POFUT3: variants seen among roughly 807,000 people sequenced by gnomAD.
The protein encoded by POFUT3 is GDP-fucose protein O-fucosyltransferase 3.
chr8:33,395,809 GC>G, the POFUT3 span, among the ~76,000 whole-genome samples: 1 of 152,054 alleles, frequency 6.6e-6, no homozygotes, highest in Non-Finnish European at 1.5e-5. Context: ...TCCTGCTGGC[GC>G]CCAAAAGCAC....
chr8:33,466,020 T>C, the POFUT3 span, among the ~76,000 whole-genome samples: 1 of 152,186 alleles, frequency 6.6e-6, no homozygotes, highest in Non-Finnish European at 1.5e-5. Flanking sequence ...TTATGAACTA[T>C]GACAGAAGAA....
chr8:33,441,209 T>A, the POFUT3 span, among the ~76,000 whole-genome samples: 2 of 151,062 alleles, frequency 1.3e-5, no homozygotes, highest in Non-Finnish European at 2.9e-5. Flanking sequence ...TGCACGCCTG[T>A]AATCTCAGCT....
the POFUT3 span, among the ~76,000 whole-genome samples, chr8:33,418,290 A>G: frequency 3.9e-5 from 6 of 152,178 alleles, 1 homozygote; most frequent in South Asian, 1.2e-3. Context: ...CTTTCACCCA[A>G]CTGGAGGACA....
chr8:33,394,191 A>G, the POFUT3 span: 1 of 229,908 alleles, frequency 4.3e-6, no homozygotes, highest in South Asian at 5.1e-5. Context: ...TCTCAAAAAA[A>G]TATAAATAAA....
the POFUT3 span, among the ~76,000 whole-genome samples, chr8:33,325,912 C>T: frequency 6.6e-6 from 1 of 152,150 alleles, no homozygotes; most frequent in Non-Finnish European, 1.5e-5. Flanking sequence ...TATCTGTACA[C>T]ACCCCGCGCC....
chr8:33,462,903 C>T, the POFUT3 span, among the ~76,000 whole-genome samples: 11 of 150,848 alleles, frequency 7.3e-5, no homozygotes, highest in African/African-American at 2.7e-4. Flanking sequence ...TGCACTCTAG[C>T]GTAGGCAACA....
the POFUT3 span, among the ~76,000 whole-genome samples, chr8:33,354,339 T>A: frequency 6.6e-6 from 1 of 152,080 alleles, no homozygotes; most frequent in Non-Finnish European, 1.5e-5. Context: ...GTGGTGTAAT[T>A]CCCTGTAAGT....
the POFUT3 span, among the ~76,000 whole-genome samples, chr8:33,311,400 G>A: frequency 6.6e-6 from 1 of 152,270 alleles, no homozygotes; most frequent in Admixed American, 6.5e-5. Flanking sequence ...AAGAATAAAT[G>A]AAGCACATTG....
chr8:33,324,097 C>A, the POFUT3 span, among the ~76,000 whole-genome samples: 1 of 152,128 alleles, frequency 6.6e-6, no homozygotes. Flanking sequence ...TCCATAGACT[C>A]CCCAGAGGTT....
chr8:33,309,518 A>C, the POFUT3 span, among the ~76,000 whole-genome samples: 1 of 151,722 alleles, frequency 6.6e-6, no homozygotes, highest in South Asian at 2.1e-4. Flanking sequence ...GGATTTAAGA[A>C]CCCTGAACTC....
the POFUT3 span, among the ~76,000 whole-genome samples, chr8:33,407,215 C>T: frequency 4.6e-5 from 7 of 152,174 alleles, no homozygotes; most frequent in Admixed American, 1.3e-4. Context: ...AACAGAAGAA[C>T]GTGTTCTGCT....
chr8:33,410,797 T>C, the POFUT3 span, among the ~76,000 whole-genome samples: 2 of 152,266 alleles, frequency 1.3e-5, no homozygotes, highest in Non-Finnish European at 2.9e-5. Context: ...TGAAGTCAAG[T>C]GCAGAGCTGA....
chr8:33,447,171 G>A, the POFUT3 span, among the ~76,000 whole-genome samples: 488 of 152,240 alleles, frequency 3.2e-3, no homozygotes, highest in African/African-American at 0.011. Flanking sequence ...ATTCCAGGCC[G>A]GGCGCGGTGG....
chr8:33,442,976 G>A, the POFUT3 span, among the ~76,000 whole-genome samples: 1 of 152,062 alleles, frequency 6.6e-6, no homozygotes, highest in Non-Finnish European at 1.5e-5. Context: ...AGCCAGGTGT[G>A]GTGGTGTGTG....
chr8:33,447,608 CTTAAAGTCT>C, the POFUT3 span, among the ~76,000 whole-genome samples: 1 of 152,154 alleles, frequency 6.6e-6, no homozygotes, highest in South Asian at 2.1e-4. Context: ...TATTTCACTG[CTTAAAGTCT>C]TTAACTAGTA....
At chr8:33,313,424 C>G in the POFUT3 span, among the ~76,000 whole-genome samples, 1 of 152,158 alleles carries the variant, frequency 6.6e-6, no homozygotes, top group South Asian at 2.1e-4. Flanking sequence ...GATCCTAACC[C>G]TTCCACAATC....
At chr8:33,420,853 A>G in the POFUT3 span, among the ~76,000 whole-genome samples, 4 of 152,028 alleles carry the variant, frequency 2.6e-5, no homozygotes, top group African/African-American at 9.7e-5. Flanking sequence ...TAGATTTGCT[A>G]ACTACCCTGG....
chr8:33,458,759 A>G, the POFUT3 span, among the ~76,000 whole-genome samples: 1 of 152,100 alleles, frequency 6.6e-6, no homozygotes, highest in Non-Finnish European at 1.5e-5. Flanking sequence ...CTTCCCACAG[A>G]AAGCAGCAGA....
At chr8:33,414,615 G>T in the POFUT3 span, among the ~76,000 whole-genome samples, 1 of 151,946 alleles carries the variant, frequency 6.6e-6, no homozygotes, top group Non-Finnish European at 1.5e-5. Flanking sequence ...TCTGTCTGTT[G>T]TCCATCATTC....
Sources: gnomAD v4.1 joint callset for allele counts (sites outside exome capture counted in the v4.1 genomes callset) on GRCh38, gnomAD v4.1.1 for gene constraint, MANE v1.5 for transcripts, NCBI Gene and HGNC (gene_info 2026-07-23, HGNC 2026-07-21) for gene names.